Variants in C10orf90 observed in about 807,000 individuals in gnomAD.
C10orf90 encodes the protein chromosome 10 open reading frame 90, also known as (E2-independent) E3 ubiquitin-conjugating enzyme FATS.
Under a neutral mutation model 62.5 loss-of-function variants are expected in C10orf90, and 56 were observed. The ratio of observed to expected loss-of-function variants is 0.90; its 90% CI spans 0.72 to 1.12. The LOEUF (loss-of-function observed/expected upper bound fraction) is 1.12, where lower values mean the gene tolerates loss of function less well. Among genes scored for constraint, C10orf90 ranks in the 50% most tolerant of loss-of-function variants. C10orf90 has a pLI of 0.00. For synonymous variants in C10orf90, 386 were observed against 340.4 expected, an observed-to-expected ratio of 1.13 and a Z score of -1.47; for missense variants, 970 against 880.4, an observed-to-expected ratio of 1.10 and a Z score of -1.29.
chr10:126,503,226 T>A (rs1018444966), intron 4 of C10orf90, among the ~76,000 whole-genome samples: 1 of 152,198 alleles, frequency 6.6e-6, no homozygotes, highest in African/African-American at 2.4e-5. Context: ...CTCTTTTGAT[T>A]TCCCAAGAAA....
At chr10:126,659,997 C>T (rs1242792354) in intron 1 of C10orf90, among the ~76,000 whole-genome samples, 1 of 152,260 alleles carries the variant, frequency 6.6e-6, no homozygotes, top group African/African-American at 2.4e-5. Context: ...ATGATGTGCA[C>T]TTTGCCTCAT....
intron 2 of C10orf90, among the ~76,000 whole-genome samples, chr10:126,627,045 G>A (rs1162893047): frequency 2.4e-5 from 3 of 126,988 alleles, no homozygotes; most frequent in African/African-American, 9.2e-5. Context: ...TGTCACCCAC[G>A]CTGGAGTGCA....
At chr10:126,442,479 A>ATATATATATATATATATATATATATC (rs1858413593) in intron 7 of C10orf90, among the ~76,000 whole-genome samples, 5 of 26,080 alleles carry the variant, frequency 1.9e-4, no homozygotes, top group African/African-American at 6.8e-4. Context: ...TCAATATTTC[A>ATATATATATATATATATATATATATC]TATATATATA....
chr10:126,660,953 C>T lies in C10orf90; in HGVS notation c.240+9288G>A, dbSNP rs538450262. 4.6e-5 allele frequency among the ~76,000 whole-genome samples: 7 copies of T among 152,312 alleles called. No individual in the cohort carries two copies. The East Asian group carries it at 7.7e-4, about 17-fold the overall frequency. Reference sequence around the variant, plus strand: ...GGACCATGATTTTGGAAACACTTAACGTGGCATGGGACAACCTTGAGAATC... The same window carrying T: ...GGACCATGATTTTGGAAACACTTAATGTGGCATGGGACAACCTTGAGAATC... On this transcript the variant is annotated intron_variant, in intron 1 of 9. Transcript: ENST00000488181.
intron 2 of C10orf90, among the ~76,000 whole-genome samples, chr10:126,523,929 T>C (rs1275374293): frequency 6.6e-6 from 1 of 152,228 alleles, no homozygotes; most frequent in Non-Finnish European, 1.5e-5. Context: ...ATAAATGATA[T>C]GCTATTGAAT....
At chr10:126,542,471 C>T (rs1864398360) in intron 2 of C10orf90, among the ~76,000 whole-genome samples, 1 of 151,874 alleles carries the variant, frequency 6.6e-6, no homozygotes, top group Admixed American at 6.6e-5. Flanking sequence ...CCACTGCACT[C>T]CAGCCTGGGC....
At chr10:126,623,840 CAAA>C (rs34974050) in intron 2 of C10orf90, among the ~76,000 whole-genome samples, 2 of 19,536 alleles carry the variant, frequency 1.0e-4, no homozygotes, top group African/African-American at 1.3e-4. Flanking sequence ...GACTCCATCT[CAAA>C]AAAAAAAAAA....
intron 2 of C10orf90, among the ~76,000 whole-genome samples, chr10:126,626,191 C>A (rs184329486): frequency 6.6e-6 from 1 of 151,896 alleles, no homozygotes; most frequent in East Asian, 1.9e-4. Flanking sequence ...GTAAATAAGC[C>A]CCTCTCTTCT....
At chr10:126,496,048 C>G (rs1862035495) in intron 4 of C10orf90, among the ~76,000 whole-genome samples, 2 of 152,210 alleles carry the variant, frequency 1.3e-5, no homozygotes, top group African/African-American at 4.8e-5. Flanking sequence ...CTAGGTTACC[C>G]TGTTACCCAC....
chr10:126,496,821 AC>A, intron 4 of C10orf90: 2 of 586,152 alleles, frequency 3.4e-6, no homozygotes, highest in Non-Finnish European at 4.3e-6. Context: ...CCTGTCCTCC[AC>A]CCAGCCCACA....
intron 7 of C10orf90, among the ~76,000 whole-genome samples, chr10:126,441,823 T>A (rs1028257845): frequency 6.6e-6 from 1 of 152,048 alleles, no homozygotes; most frequent in African/African-American, 2.4e-5. Flanking sequence ...ATTTTTCAGA[T>A]AAACAAATGA....
intron 2 of C10orf90, among the ~76,000 whole-genome samples, chr10:126,643,263 A>C (rs1301034962): frequency 6.6e-6 from 1 of 152,214 alleles, no homozygotes; most frequent in Non-Finnish European, 1.5e-5. Context: ...CTTAAAACAG[A>C]GTGAGTCCCC....
At chr10:126,606,597 G>A (rs1845317071) in intron 2 of C10orf90, among the ~76,000 whole-genome samples, 1 of 152,136 alleles carries the variant, frequency 6.6e-6, no homozygotes. Flanking sequence ...ATCTGCTGGA[G>A]TCCCACCTCC....
At chr10:126,472,613 A>G (rs533135541) in intron 4 of C10orf90, among the ~76,000 whole-genome samples, 1 of 152,044 alleles carries the variant, frequency 6.6e-6, no homozygotes, top group Non-Finnish European at 1.5e-5. Flanking sequence ...GTCTCCTCCC[A>G]TTCTTGCTTT....
chr10:126,578,738 T>C (rs893142100), intron 2 of C10orf90, among the ~76,000 whole-genome samples: 1 of 152,234 alleles, frequency 6.6e-6, no homozygotes, highest in African/African-American at 2.4e-5. Flanking sequence ...AATTGAATGT[T>C]TGCACAAAGA....
intron 6 of C10orf90, 127 bp from the exon 7 acceptor site, chr10:126,459,344 A>C (rs2134103057): frequency 1.0e-6 from 1 of 998,122 alleles, no homozygotes; most frequent in Admixed American, 2.3e-5. Flanking sequence ...ACGGTGCAAA[A>C]GTACGTCACG....
intron 2 of C10orf90, among the ~76,000 whole-genome samples, chr10:126,550,667 G>A (rs1417934989): frequency 1.3e-5 from 2 of 151,876 alleles, no homozygotes; most frequent in South Asian, 2.1e-4. Flanking sequence ...GTGCCACCAC[G>A]CCCAGCTAAT....
chr10:126,558,574 C>T (rs1202468472), intron 2 of C10orf90, among the ~76,000 whole-genome samples: 3 of 152,210 alleles, frequency 2.0e-5, no homozygotes, highest in African/African-American at 7.2e-5. Flanking sequence ...ACGGGTCCTT[C>T]AAGACACAGC....
chr10:126,427,733 A>G, intron 8 of C10orf90, among the ~76,000 whole-genome samples: 1 of 152,136 alleles, frequency 6.6e-6, no homozygotes, highest in Non-Finnish European at 1.5e-5. Flanking sequence ...TCAGGCCTTC[A>G]GCCACAGACT....
Sources: gnomAD v4.1 joint callset for allele counts (sites outside exome capture counted in the v4.1 genomes callset) on GRCh38, gnomAD v4.1.1 for gene constraint, MANE v1.5 for transcripts, NCBI Gene and HGNC (gene_info 2026-07-23, HGNC 2026-07-21) for gene names.